The following CPAP variants were observed in gnomAD, a reference collection of about 807,000 sequenced individuals.
CPAP encodes centrosome assembly and centriole elongation protein, also known as centrosomal P4.1-associated protein.
the CPAP span, chr13:24,885,839 C>T: frequency 1.6e-6 from 1 of 622,004 alleles, no homozygotes; most frequent in Non-Finnish European, 2.9e-6. Context: ...GACACAGGTA[C>T]TTAAGTCCTA....
chr13:24,922,514 A>C, the CPAP span, among the ~76,000 whole-genome samples: 3 of 152,246 alleles, frequency 2.0e-5, no homozygotes, highest in African/African-American at 7.2e-5. Flanking sequence ...TCAGAGAGAC[A>C]GACACCCCAG....
At chr13:24,928,710 G>A in the CPAP span, among the ~76,000 whole-genome samples, 3,627 of 152,234 alleles carry the variant, frequency 0.024, 63 homozygotes, top group East Asian at 0.056. Context: ...GATTACATGC[G>A]TGAGCCACCA....
chr13:24,914,555 A>T, the CPAP span, among the ~76,000 whole-genome samples: 2 of 152,174 alleles, frequency 1.3e-5, no homozygotes, highest in African/African-American at 2.4e-5. Flanking sequence ...ATCTGTTTGT[A>T]TGGAGCCCAT....
At chr13:24,903,044 C>T in the CPAP span, among the ~76,000 whole-genome samples, 1 of 152,082 alleles carries the variant, frequency 6.6e-6, no homozygotes, top group Non-Finnish European at 1.5e-5. Flanking sequence ...GTACTATTCA[C>T]AAGTACAATT....
chr13:24,912,634 C>T, the CPAP span: 1 of 1,613,582 alleles, frequency 6.2e-7, no homozygotes, highest in African/African-American at 1.3e-5. Flanking sequence ...TTTGAATTCA[C>T]TCGCAAGATC....
chr13:24,920,688 T>G, the CPAP span, among the ~76,000 whole-genome samples: 2 of 150,774 alleles, frequency 1.3e-5, no homozygotes, highest in Non-Finnish European at 3.0e-5. Context: ...TGGTGTGATC[T>G]TGGCTCACTG....
the CPAP span, among the ~76,000 whole-genome samples, chr13:24,908,964 G>A: frequency 6.6e-6 from 1 of 152,068 alleles, no homozygotes. Flanking sequence ...CAGTGAAATG[G>A]TTCAGCAAAT....
At chr13:24,895,681 G>A in the CPAP span, among the ~76,000 whole-genome samples, 3 of 152,204 alleles carry the variant, frequency 2.0e-5, no homozygotes, top group Non-Finnish European at 4.4e-5. Flanking sequence ...AAACGCCAAG[G>A]GCAGCACTAA....
chr13:24,932,783 T>G, the CPAP span, among the ~76,000 whole-genome samples: 1 of 152,252 alleles, frequency 6.6e-6, no homozygotes, highest in Admixed American at 6.5e-5. Context: ...AAAGGGATTT[T>G]GGGTGTTGTA....
chr13:24,927,025 G>A, the CPAP span, among the ~76,000 whole-genome samples: 2 of 152,132 alleles, frequency 1.3e-5, no homozygotes, highest in South Asian at 2.1e-4. Context: ...CAATTGGCTG[G>A]GTAAAACATA....
At chr13:24,885,469 G>A in the CPAP span, 1 of 1,198,684 alleles carries the variant, frequency 8.3e-7, no homozygotes, top group Non-Finnish European at 1.2e-6. Context: ...TAGGACTAGT[G>A]TTTACAAAAT....
the CPAP span, among the ~76,000 whole-genome samples, chr13:24,890,325 G>C: frequency 6.6e-6 from 1 of 152,122 alleles, no homozygotes; most frequent in African/African-American, 2.4e-5. Context: ...AAAAGGTTGG[G>C]AGCGGCGGGG....
chr13:24,917,447 G>A, the CPAP span, among the ~76,000 whole-genome samples: 1 of 151,960 alleles, frequency 6.6e-6, no homozygotes. Flanking sequence ...TTATTCTCTC[G>A]GTAGGACTGC....
chr13:24,917,356 A>G, the CPAP span, among the ~76,000 whole-genome samples: 1 of 152,228 alleles, frequency 6.6e-6, no homozygotes, highest in Non-Finnish European at 1.5e-5. Context: ...ATGTGACTGA[A>G]GAACTGAATT....
At chr13:24,886,154 G>T in the CPAP span, 1 of 471,094 alleles carries the variant, frequency 2.1e-6, no homozygotes, top group Non-Finnish European at 4.0e-6. Context: ...AACAAAGTGA[G>T]GTGAATCTCT....
the CPAP span, chr13:24,909,824 A>AT: frequency 1.2e-6 from 2 of 1,613,464 alleles, no homozygotes; most frequent in Non-Finnish European, 1.7e-6. Flanking sequence ...CTTTTAAATT[A>AT]TTTTTTTCCA....
the CPAP span, among the ~76,000 whole-genome samples, chr13:24,909,243 A>G: frequency 1.3e-5 from 2 of 152,118 alleles, no homozygotes; most frequent in Non-Finnish European, 2.9e-5. Context: ...ACAAGGCATT[A>G]TGGTTGGGTG....
At chr13:24,924,971 C>T in the CPAP span, 1 of 152,100 alleles carries the variant, frequency 6.6e-6, no homozygotes, top group African/African-American at 2.4e-5. Flanking sequence ...AGCAAAAAAC[C>T]TCCACATAGT....
chr13:24,916,347 T>C, the CPAP span, among the ~76,000 whole-genome samples: 6 of 151,928 alleles, frequency 3.9e-5, no homozygotes, highest in African/African-American at 1.2e-4. Context: ...AAAAGGGCAA[T>C]GTGGAGGCAA....
Sources: gnomAD v4.1 joint callset for allele counts (sites outside exome capture counted in the v4.1 genomes callset) on GRCh38, gnomAD v4.1.1 for gene constraint, MANE v1.5 for transcripts, NCBI Gene and HGNC (gene_info 2026-07-23, HGNC 2026-07-21) for gene names.